The following SHCBP1L variants were observed in gnomAD, a reference collection of about 807,000 sequenced individuals.
SHCBP1L encodes the protein SHC binding and spindle associated 1 like.
Under a neutral mutation model 62.5 loss-of-function variants are expected in SHCBP1L, and 67 were observed. That is an observed-to-expected ratio of 1.07 (90% confidence interval 0.88 to 1.31). The LOEUF (loss-of-function observed/expected upper bound fraction) is 1.31, where lower values mean the gene tolerates loss of function less well. Ranked by LOEUF, SHCBP1L falls within the 40% of genes most tolerant of loss-of-function variation. The probability of loss-of-function intolerance (pLI) is 0.00; values close to 1 mark genes in which losing one functional copy is unlikely to be tolerated. For synonymous variants in SHCBP1L, 284 were observed against 289.4 expected (o/e 0.98, Z 0.19); for missense variants, 823 against 809.8 (o/e 1.02, Z -0.20).
chr1:182,903,053 C>T lies in SHCBP1L; in HGVS notation c.1696G>A (p.Gly566Arg). 2 of 1,587,226 alleles carry T rather than the reference C, an allele frequency of 1.3e-6. No individual in the cohort carries two copies. The highest frequency in any genetic ancestry group is 1.7e-6 in the Non-Finnish European group (2 of 1,167,780). The stretch of plus-strand genomic sequence containing the variant: ...TAAGAGAATACCTTCATATTAACTC[C>T]ACCTAAGGTGCTTTTTGAACTGTTA... Reference protein sequence around the residue: ...TSNSSKSTLGGVNMKVLPAPK... With the variant: ...TSNSSKSTLGRVNMKVLPAPK... Residue 566 changes from glycine (G) to arginine (R), a missense_variant, in exon 9 of 10, where the codon GGA becomes AGA. By Grantham distance (125) the Gly-to-Arg change is moderately radical. Coordinates refer to ENST00000367547, the MANE Select transcript of SHCBP1L (RefSeq NM_030933.4).
intron 5 of SHCBP1L, among the ~76,000 whole-genome samples, chr1:182,936,296 T>G (rs1302193823): frequency 6.6e-6 from 1 of 151,890 alleles, no homozygotes; most frequent in Non-Finnish European, 1.5e-5. Flanking sequence ...CCGCCACAAC[T>G]GGCTAATTTT....
At position 182,952,901 on chromosome 1, in the gene SHCBP1L, G is replaced by T; in HGVS notation, c.233C>A (p.Ala78Asp). Reference protein sequence around the residue: ...LRLQRLPAAQAEDTGEAAAAA... With the variant: ...LRLQRLPAAQDEDTGEAAAAA... ...CGCCGCCGCCTCTCCCGTGTCCTCG[G>T]CCTGAGCCGCGGGCAGGCGCTGGAG... The change falls in exon 1 of 10, where the codon GCC becomes GAC. Residue 78 changes from alanine (A) to aspartate (D), a missense_variant. Physicochemically the swap from Ala to Asp is moderately radical, Grantham distance 126. Transcript: ENST00000367547. 6.3e-7 allele frequency: 1 copy of T among 1,581,686 alleles called. No individual in the cohort carries two copies. Among genetic ancestry groups the T allele is most frequent in the Non-Finnish European group, 8.6e-7 (1 of 1,164,838 alleles).
At chr1:182,920,750 C>A (rs113504915) in intron 6 of SHCBP1L, among the ~76,000 whole-genome samples, 1 of 152,056 alleles carries the variant, frequency 6.6e-6, no homozygotes, top group African/African-American at 2.4e-5. Flanking sequence ...AAACTCACTC[C>A]AAGAATTGGA....
At chr1:182,907,071 C>G (rs1276925049) in intron 6 of SHCBP1L, among the ~76,000 whole-genome samples, 1 of 151,928 alleles carries the variant, frequency 6.6e-6, no homozygotes, top group Non-Finnish European at 1.5e-5. Context: ...CCCACCTCAG[C>G]CTCCCAGAGT....
intron 1 of SHCBP1L, 134 bp from the exon 2 acceptor site, chr1:182,951,601 A>G: frequency 1.8e-6 from 1 of 567,388 alleles, no homozygotes; most frequent in East Asian, 3.3e-5. Context: ...ATGACCTGGA[A>G]AATTACAGAT....
In SHCBP1L at chr1:182,952,826, G is replaced by T. The variant is rs184524719; in HGVS notation, c.308C>A (p.Ala103Glu). The change falls in exon 1 of 10, where the codon GCG becomes GAG. Residue 103 changes from alanine to glutamate, a missense_variant. By Grantham distance (107) the Ala-to-Glu change is moderately radical. Coordinates refer to ENST00000367547, the MANE Select transcript of SHCBP1L (RefSeq NM_030933.4). ...CACGCAGACTGGGGGCAGGGGCTGC[G>T]CCTCCTCTTCATCCTCAGGCACTGG... ...LLPVPEDEEE[A>E]QPLPPVCVSR... is the part of the protein sequence containing the mutation. 6.2e-7 allele frequency: 1 copy of T among 1,612,066 alleles called. No individual in the cohort carries two copies.
At position 182,915,161 on chromosome 1, in the gene SHCBP1L, C is replaced by CAAA. The variant is rs371432299; in HGVS notation, c.1183-9515_1183-9513dup. Among the ~76,000 whole-genome samples, 117 of 31,872 alleles carry CAAA rather than the reference C, an allele frequency of 3.7e-3. 16 individuals are homozygous for CAAA. Among genetic ancestry groups the CAAA allele is most frequent in the African/African-American group, 4.3e-3 (54 of 12,624 alleles). The allele number at this position is 31,872 out of a possible 152,430, so 20.9% of individuals were successfully genotyped here. On this transcript the variant is annotated intron_variant, in intron 6 of 9. Transcript: ENST00000367547. ...TGGGCAACAGAGGCAGACTCTGTCT[C>CAAA]AAAAAAAAAAAAAAAAAAAAAAAAA...
At position 182,952,936 on chromosome 1, in the gene SHCBP1L, G is replaced by A. The variant is rs748132747; in HGVS notation, c.198C>T (p.Ala66=). 2 of 1,554,746 alleles carry A rather than the reference G, an allele frequency of 1.3e-6. No individual in the cohort carries two copies. Among genetic ancestry groups the A allele is most frequent in the Non-Finnish European group, 1.7e-6 (2 of 1,151,554 alleles). Residue 66 remains alanine, a synonymous_variant, in exon 1 of 10, where the codon GCC becomes GCT. Transcript: ENST00000367547. Reference sequence around the variant, plus strand: ...CGGGCAGGCGCTGGAGCCGCAGCCTGGCCGTCTCCCGGCCCGCTTTCCCCT... The same window carrying A: ...CGGGCAGGCGCTGGAGCCGCAGCCTAGCCGTCTCCCGGCCCGCTTTCCCCT... The part of the protein sequence containing the change: ...PVKGKAGRET[A]RLRLQRLPAA...
intron 6 of SHCBP1L, among the ~76,000 whole-genome samples, chr1:182,922,468 C>T (rs113344923): frequency 1.3e-3 from 193 of 151,420 alleles, no homozygotes; most frequent in African/African-American, 4.5e-3. Flanking sequence ...GCAGGAGAAT[C>T]GCTTGAATCT....
At chr1:182,936,919 T>C (rs181271842) in intron 5 of SHCBP1L, among the ~76,000 whole-genome samples, 2 of 151,974 alleles carry the variant, frequency 1.3e-5, no homozygotes, top group Admixed American at 1.3e-4. Flanking sequence ...CCAGGCATGG[T>C]GGCACACACC....
intron 5 of SHCBP1L, among the ~76,000 whole-genome samples, chr1:182,937,663 C>G (rs1327641470): frequency 6.6e-6 from 1 of 152,148 alleles, no homozygotes; most frequent in African/African-American, 2.4e-5. Context: ...ATGTTAACAC[C>G]TTTTGAAACT....
rs142187205 is a variant in SHCBP1L, at chr1:182,916,994, C to T, written c.1183-11345G>A. Among the ~76,000 whole-genome samples the T allele has an allele frequency of 3.3e-5, 5 of 152,106 alleles. No individual in the cohort carries two copies. In the East Asian group the frequency reaches 7.7e-4, roughly 24 times the overall value. On this transcript the variant is annotated intron_variant, in intron 6 of 9. Coordinates refer to ENST00000367547, the MANE Select transcript of SHCBP1L (RefSeq NM_030933.4). ...ATATGTATAACAAACCCCCATGACA[C>T]GAGTTTACCTATGTAACAAATCTTC...
chr1:182,943,205 C>A (rs1009379849), intron 2 of SHCBP1L, among the ~76,000 whole-genome samples: 2 of 151,758 alleles, frequency 1.3e-5, no homozygotes, highest in Admixed American at 1.3e-4. Context: ...CAGCCTCGAA[C>A]TCCTGGGCTC....
intron 7 of SHCBP1L, 116 bp from the exon 8 acceptor site, chr1:182,904,546 T>C (rs1649949727): frequency 9.0e-6 from 7 of 774,302 alleles, no homozygotes; most frequent in Admixed American, 2.8e-5. Flanking sequence ...TGTGTGTGTG[T>C]GTGTGTGTGT....
rs1331151366 is a variant in SHCBP1L, at chr1:182,953,123, C to T, written c.11G>A (p.Gly4Asp). ...GTCCGCGGGCACCGAGGCCTTGGAG[C>T]CCGACGCCATCTCCTCAGCAGCCCG... MAS[G>D]SKASVPADSF... is the part of the protein sequence containing the mutation. The change falls in exon 1 of 10, where the codon GGC becomes GAC. Residue 4 changes from glycine (G) to aspartate (D), a missense_variant. Coordinates refer to ENST00000367547, the MANE Select transcript of SHCBP1L (RefSeq NM_030933.4). The T allele has an allele frequency of 7.0e-6, 11 of 1,579,652 alleles. No homozygotes were observed. Among genetic ancestry groups the T allele is most frequent in the Middle Eastern group, 1.7e-4 (1 of 5,902 alleles).
At chr1:182,945,662 T>C (rs926297289) in intron 2 of SHCBP1L, among the ~76,000 whole-genome samples, 1 of 152,244 alleles carries the variant, frequency 6.6e-6, no homozygotes, top group African/African-American at 2.4e-5. Flanking sequence ...TTTTCTACAC[T>C]TGACTTATAG....
At chr1:182,924,275 T>C (rs1020279196) in intron 6 of SHCBP1L, among the ~76,000 whole-genome samples, 2 of 151,398 alleles carry the variant, frequency 1.3e-5, no homozygotes, top group Non-Finnish European at 2.9e-5. Context: ...AAACATTCCA[T>C]GCTCAAGAAT....
intron 5 of SHCBP1L, among the ~76,000 whole-genome samples, chr1:182,930,845 C>T (rs577326953): frequency 2.1e-5 from 3 of 143,746 alleles, no homozygotes; most frequent in Admixed American, 7.1e-5. Context: ...CCCACCTCAG[C>T]CTCCCCAGTA....
intron 6 of SHCBP1L, among the ~76,000 whole-genome samples, chr1:182,918,977 C>T (rs1435852636): frequency 1.1e-4 from 17 of 152,132 alleles, no homozygotes; most frequent in Non-Finnish European, 2.5e-4. Context: ...CCAAACCCAA[C>T]ACCATATACA....
Sources: allele counts gnomAD v4.1 joint callset (sites outside exome capture counted in the v4.1 genomes callset), GRCh38; gene constraint gnomAD v4.1.1; transcripts MANE v1.5; gene names NCBI Gene and HGNC (gene_info 2026-07-23, HGNC 2026-07-21).